The following MYSM1 variants were observed in gnomAD, a reference collection of about 807,000 sequenced individuals.
MYSM1 encodes the protein deubiquitinase MYSM1.
MYSM1 carries 51 observed loss-of-function variants against 116.0 expected under a neutral mutation model. That is an observed-to-expected ratio of 0.44 (90% CI 0.35 to 0.56). MYSM1 has a LOEUF of 0.56. MYSM1 is among the 20% of genes least tolerant of loss of function. The pLI is 0.00. For missense variants in MYSM1, 900 were observed against 974.9 expected (o/e 0.92, Z 1.02); for synonymous variants, 313 against 315.2 (o/e 0.99, Z 0.07).
At chr1:58,699,874 G>C in intron 1 of MYSM1, 111 bp downstream of exon 1, 1 of 1,523,278 alleles carries the variant, frequency 6.6e-7, no homozygotes, top group Non-Finnish European at 8.8e-7. Context: ...CCTGGCCCAG[G>C]GGACAGTCTT....
intron 6 of MYSM1, among the ~76,000 whole-genome samples, chr1:58,685,519 C>A (rs1354186611): frequency 6.6e-6 from 1 of 152,126 alleles, no homozygotes. Flanking sequence ...TATTGCCTAA[C>A]TGAATGAATT....
rs1443078907 is a variant in MYSM1, at chr1:58,667,064, C to T, written c.2005G>A (p.Asp669Asn). The change falls in exon 16 of 20, where the codon GAT becomes AAT. Residue 669 changes from aspartate (D) to asparagine (N), a missense_variant. Coordinates refer to ENST00000472487, the MANE Select transcript of MYSM1 (RefSeq NM_001085487.3). The stretch of plus-strand genomic sequence containing the variant: ...TGGTATTTAGCTTGTGTGTCAATAT[C>T]TCGTAAGGAAGGATTAGGATCAAAA... ...PAFDPNPSLRDIDTQAKYQSY... is the reference protein window; with the variant it reads ...PAFDPNPSLRNIDTQAKYQSY... The T allele has an allele frequency of 6.2e-7, 1 of 1,610,540 alleles. No homozygotes were observed. The highest frequency in any genetic ancestry group is 8.5e-7 in the Non-Finnish European group (1 of 1,178,026).
In MYSM1 at chr1:58,690,494, C is replaced by A. The variant is rs572392506; in HGVS notation, c.219-77G>T. On this transcript the variant is annotated intron_variant, in intron 3 of 19. Transcript: ENST00000472487. Reference sequence around the variant, plus strand: ...TTACATTACTTATACAAAACGTGTGCTACATAAATGTTATTAATAGTTCCC... The same window carrying A: ...TTACATTACTTATACAAAACGTGTGATACATAAATGTTATTAATAGTTCCC... 63 of 983,396 alleles carry A rather than the reference C, an allele frequency of 6.4e-5. No homozygotes were observed. In the East Asian group the frequency reaches 1.3e-3, roughly 20 times the overall value. 60.9% of individuals were successfully genotyped at this position (983,396 alleles called of 1,614,324 possible).
At chr1:58,683,022 A>G (rs1478128678) in intron 7 of MYSM1, among the ~76,000 whole-genome samples, 1 of 152,160 alleles carries the variant, frequency 6.6e-6, no homozygotes, top group Non-Finnish European at 1.5e-5. Context: ...TTTAGACAAG[A>G]TTGGGCACGT....
At chr1:58,672,937 C>A (rs1368531725) in intron 11 of MYSM1, among the ~76,000 whole-genome samples, 3 of 152,050 alleles carry the variant, frequency 2.0e-5, no homozygotes, top group Admixed American at 2.0e-4. Flanking sequence ...GCAGGGAATG[C>A]GGAGGAGGAA....
chr1:58,691,105 C>A (rs934295339), intron 3 of MYSM1, among the ~76,000 whole-genome samples: 17 of 151,924 alleles, frequency 1.1e-4, no homozygotes, highest in Non-Finnish European at 7.4e-5. Flanking sequence ...CGGTGAAACC[C>A]CATCTCTACT....
chr1:58,698,828 T>C (rs1397427831), intron 1 of MYSM1, among the ~76,000 whole-genome samples: 1 of 152,180 alleles, frequency 6.6e-6, no homozygotes, highest in African/African-American at 2.4e-5. Context: ...ACAATGACCA[T>C]ATGAGTTTAA....
chr1:58,698,430 G>GATACAATATAATA (rs1256987795), intron 1 of MYSM1, among the ~76,000 whole-genome samples: 2 of 151,910 alleles, frequency 1.3e-5, no homozygotes, highest in East Asian at 3.9e-4. Context: ...ACTCCTTGGG[G>GATACAATATAATA]TTGTATAAGA....
rs2100629545 is a variant in MYSM1 at position 58,675,528 on chromosome 1, G to A, written c.1443C>T (p.Asp481=). 1 of 1,613,604 alleles carries A rather than the reference G, an allele frequency of 6.2e-7. No individual in the cohort carries two copies. The highest frequency in any genetic ancestry group is 8.5e-7 in the Non-Finnish European group (1 of 1,179,808). Residue 481 remains aspartate (D), a synonymous_variant, in exon 10 of 20, where the codon GAC becomes GAT. Coordinates refer to ENST00000472487, the MANE Select transcript of MYSM1 (RefSeq NM_001085487.3). ...PQTVDKVRIR[D]RKDAVEAYQL... ...GGTATGCTTCTACTGCATCTTTTCT[G>A]TCTCTGATTCGTACTTTGTCAACTG...
chr1:58,681,570 G>C (rs1015630276), intron 8 of MYSM1, among the ~76,000 whole-genome samples: 1 of 152,032 alleles, frequency 6.6e-6, no homozygotes, highest in African/African-American at 2.4e-5. Flanking sequence ...TTTATTCCAG[G>C]CCCACAATCT....
chr1:58,668,063 A>G, intron 14 of MYSM1, 142 bp from the exon 15 acceptor site: 1 of 673,086 alleles, frequency 1.5e-6, no homozygotes, highest in Middle Eastern at 2.6e-4. Context: ...GAGGAACTAG[A>G]TGCTAGGATC....
chr1:58,676,317 GAAGCAA>G (rs977588000), intron 9 of MYSM1, among the ~76,000 whole-genome samples: 1 of 150,802 alleles, frequency 6.6e-6, no homozygotes, highest in Non-Finnish European at 1.5e-5. Context: ...TCTGGAGACC[GAAGCAA>G]AAGAATCGCT....
intron 17 of MYSM1, among the ~76,000 whole-genome samples, chr1:58,662,461 C>A (rs1195207829): frequency 8.4e-6 from 1 of 119,214 alleles, no homozygotes; most frequent in Non-Finnish European, 1.8e-5. Flanking sequence ...TTCACCCCCC[C>A]CTTTTTTTTT....
At chr1:58,661,374 G>C (rs767394614) in intron 18 of MYSM1, 32 bp downstream of exon 18, 2 of 1,378,154 alleles carry the variant, frequency 1.5e-6, no homozygotes, top group East Asian at 4.6e-5. Flanking sequence ...CAACACTGCA[G>C]ATGTGCAACC....
At chr1:58,660,460 C>T (rs1644374421) in intron 19 of MYSM1, among the ~76,000 whole-genome samples, 1 of 152,054 alleles carries the variant, frequency 6.6e-6, no homozygotes, top group Non-Finnish European at 1.5e-5. Context: ...TGTAGTTACA[C>T]TTACAAAGCA....
At chr1:58,681,688 G>GATTTACTAGCAA in intron 8 of MYSM1, 97 bp downstream of exon 8, 1 of 1,246,580 alleles carries the variant, frequency 8.0e-7, no homozygotes, top group African/African-American at 1.5e-5. Context: ...GTGATCTCTA[G>GATTTACTAGCAA]ATTTACTAGC....
chr1:58,693,531 T>C (rs944624867), intron 2 of MYSM1, among the ~76,000 whole-genome samples: 1 of 152,236 alleles, frequency 6.6e-6, no homozygotes, highest in Non-Finnish European at 1.5e-5. Flanking sequence ...CGAAAGGCAC[T>C]ATTACTCACT....
chr1:58,658,958 AACACACACACACACACACAC>A lies in MYSM1; in HGVS notation c.*1019_*1038del, dbSNP rs57899209. On this transcript the variant is annotated 3_prime_UTR_variant, in exon 20 of 20. Transcript: ENST00000472487. ...TTTTTATCATTTTAAAGGGCTGTAA[AACACACACACACACACACAC>A]ACACACACACACACACAAAGAAGAA... is the stretch of plus-strand genomic sequence containing the variant. The A allele has an allele frequency of 7.3e-6, 1 of 137,876 alleles. No homozygotes were observed. Among genetic ancestry groups the A allele is most frequent in the Non-Finnish European group, 1.5e-5 (1 of 64,616 alleles). 8.5% of individuals were successfully genotyped at this position (137,876 alleles called of 1,614,324 possible).
At chr1:58,695,088 A>G (rs1161045238) in intron 2 of MYSM1, 41 bp downstream of exon 2, 3 of 1,289,618 alleles carry the variant, frequency 2.3e-6, no homozygotes, top group East Asian at 2.3e-5. Flanking sequence ...TAGGCAATAA[A>G]TAACAGCTTA....
Sources: allele counts gnomAD v4.1 joint callset (sites outside exome capture counted in the v4.1 genomes callset), GRCh38; gene constraint gnomAD v4.1.1; transcripts MANE v1.5; gene names NCBI Gene and HGNC (gene_info 2026-07-23, HGNC 2026-07-21).